Variants in STXBP6 observed in about 807,000 individuals in gnomAD.
STXBP6 encodes the protein syntaxin-binding protein 6.
Under a neutral mutation model 26.9 loss-of-function variants are expected in STXBP6, and 21 were observed. The observed-to-expected ratio is 0.78, with a 90% CI of 0.55 to 1.12. The LOEUF is 1.12. STXBP6 is among the 50% of genes most tolerant of loss of function. The pLI, the probability that STXBP6 is intolerant of heterozygous loss-of-function variation, is 0.00. For missense variants in STXBP6, 232 were observed against 257.9 expected (o/e 0.90, Z 0.69); for synonymous variants, 97 against 92.6 (o/e 1.05, Z -0.27).
At chr14:24,813,738 T>C (rs1163083136) in intron 5 of STXBP6, among the ~76,000 whole-genome samples, 1 of 152,240 alleles carries the variant, frequency 6.6e-6, no homozygotes, top group Non-Finnish European at 1.5e-5. Flanking sequence ...CCGATCCTAC[T>C]GATTTCACCC....
At chr14:24,938,812 C>G (rs955797554) in intron 2 of STXBP6, among the ~76,000 whole-genome samples, 1 of 152,134 alleles carries the variant, frequency 6.6e-6, no homozygotes, top group African/African-American at 2.4e-5. Flanking sequence ...TGCCCACTGG[C>G]TAGACATTCC....
chr14:25,016,687 C>A (rs2075156490), intron 1 of STXBP6, among the ~76,000 whole-genome samples: 4 of 152,118 alleles, frequency 2.6e-5, no homozygotes, highest in Admixed American at 2.6e-4. Flanking sequence ...ATCAGGGAGA[C>A]TCCTGGTTTG....
chr14:25,023,357 T>C (rs1031969470), intron 1 of STXBP6, among the ~76,000 whole-genome samples: 3 of 152,220 alleles, frequency 2.0e-5, no homozygotes, highest in African/African-American at 7.2e-5. Context: ...ATTGAAATTC[T>C]TTTTGTTTTC....
chr14:25,006,551 A>G (rs781215175), intron 1 of STXBP6, among the ~76,000 whole-genome samples: 5 of 152,216 alleles, frequency 3.3e-5, no homozygotes, highest in Non-Finnish European at 7.3e-5. Flanking sequence ...AGAATCTGAT[A>G]TTAGGGCCCA....
chr14:24,916,415 A>C (rs933358725), intron 2 of STXBP6, among the ~76,000 whole-genome samples: 13 of 152,140 alleles, frequency 8.5e-5, no homozygotes, highest in South Asian at 4.1e-4. Context: ...CATCACTGTG[A>C]CATCATCAGA....
At position 24,822,570 on chromosome 14, in the gene STXBP6, T is replaced by A. The variant is rs115684470; in HGVS notation, c.452-3376A>T. The stretch of plus-strand genomic sequence containing the variant: ...GACTTTAAGGGAGTGATTTAATTTG[T>A]CTGATCTGTAAAATGTGGGTTGTGC... On this transcript the variant is annotated intron_variant, in intron 4 of 5. Transcript: ENST00000323944. Among the ~76,000 whole-genome samples, 627 of 152,322 alleles carry A rather than the reference T, an allele frequency of 4.1e-3. 2 individuals carry two copies. The highest frequency in any genetic ancestry group is 0.014 in the African/African-American group (566 of 41,564).
chr14:24,889,672 T>C (rs993124794), intron 2 of STXBP6, among the ~76,000 whole-genome samples: 1 of 152,092 alleles, frequency 6.6e-6, no homozygotes, highest in Non-Finnish European at 1.5e-5. Context: ...AATTACTCAA[T>C]TGTAAAGTTA....
At chr14:24,898,404 T>TGCG (rs2071078747) in intron 2 of STXBP6, among the ~76,000 whole-genome samples, 1 of 152,118 alleles carries the variant, frequency 6.6e-6, no homozygotes, top group South Asian at 2.1e-4. Context: ...GATGGCTGGG[T>TGCG]GCGGCGGGTC....
chr14:24,945,249 G>A (rs1466416926), intron 2 of STXBP6, among the ~76,000 whole-genome samples: 2 of 139,578 alleles, frequency 1.4e-5, no homozygotes, highest in South Asian at 2.3e-4. Flanking sequence ...TATTTTCTGA[G>A]CATTCACATT....
chr14:24,935,407 C>A (rs552561622), intron 2 of STXBP6, among the ~76,000 whole-genome samples: 3 of 152,258 alleles, frequency 2.0e-5, no homozygotes, highest in Non-Finnish European at 4.4e-5. Context: ...TAAAAAGCAA[C>A]ATCCGTCCCC....
At chr14:24,821,115 G>A (rs2138767826) in intron 4 of STXBP6, among the ~76,000 whole-genome samples, 1 of 152,344 alleles carries the variant, frequency 6.6e-6, no homozygotes, top group East Asian at 1.9e-4. Context: ...GGGCGCAGAG[G>A]AGTTGGGAGA....
intron 2 of STXBP6, among the ~76,000 whole-genome samples, chr14:24,894,099 T>C (rs1369134069): frequency 1.3e-5 from 2 of 152,186 alleles, no homozygotes; most frequent in African/African-American, 4.8e-5. Flanking sequence ...TTTAGAAAAT[T>C]AGGCAAGACT....
At chr14:24,983,073 C>T (rs544269761) in intron 1 of STXBP6, among the ~76,000 whole-genome samples, 4 of 152,276 alleles carry the variant, frequency 2.6e-5, no homozygotes, top group South Asian at 2.1e-4. Flanking sequence ...TGTACCCTTT[C>T]TACAGTAATG....
chr14:24,830,456 G>C (rs946526130), intron 4 of STXBP6, among the ~76,000 whole-genome samples: 23 of 151,798 alleles, frequency 1.5e-4, no homozygotes, highest in Admixed American at 1.5e-3. Flanking sequence ...GAGAGGTGAG[G>C]GAAAAGGAAG....
chr14:24,832,259 A>G (rs2068475853), intron 4 of STXBP6, among the ~76,000 whole-genome samples: 1 of 151,718 alleles, frequency 6.6e-6, no homozygotes, highest in African/African-American at 2.4e-5. Flanking sequence ...AGACATTGTC[A>G]TCAAGGGCAA....
chr14:24,966,593 T>C (rs2073741715), intron 2 of STXBP6, among the ~76,000 whole-genome samples: 1 of 152,220 alleles, frequency 6.6e-6, no homozygotes, highest in African/African-American at 2.4e-5. Flanking sequence ...AATGCTTACT[T>C]ATCTATTTTT....
chr14:24,951,788 T>C (rs569894253), intron 2 of STXBP6, among the ~76,000 whole-genome samples: 2 of 152,212 alleles, frequency 1.3e-5, no homozygotes, highest in Admixed American at 6.5e-5. Context: ...AGACAGTAAG[T>C]TCTTTGCTGT....
intron 2 of STXBP6, among the ~76,000 whole-genome samples, chr14:24,922,058 A>T (rs1419254557): frequency 1.3e-5 from 2 of 151,818 alleles, no homozygotes; most frequent in Non-Finnish European, 2.9e-5. Flanking sequence ...TCTTCCAGTC[A>T]TTTACCAAAG....
chr14:24,874,383 T>C (rs1470654681), intron 2 of STXBP6, among the ~76,000 whole-genome samples: 1 of 152,124 alleles, frequency 6.6e-6, no homozygotes. Flanking sequence ...AACATTTCCA[T>C]AGAGTGTTGC....
Sources: allele counts gnomAD v4.1 joint callset (sites outside exome capture counted in the v4.1 genomes callset), GRCh38; gene constraint gnomAD v4.1.1; transcripts MANE v1.5; gene names NCBI Gene and HGNC (gene_info 2026-07-23, HGNC 2026-07-21).